The following MARCHF1 variants were observed in gnomAD, a reference collection of about 807,000 sequenced individuals.
MARCHF1 encodes the protein E3 ubiquitin-protein ligase MARCHF1.
In MARCHF1, 40 loss-of-function variants were observed where a neutral mutation model predicts 54.2. That is an observed-to-expected ratio of 0.74 (90% confidence interval 0.57 to 0.96). The LOEUF is 0.96. Ranked by LOEUF, MARCHF1 falls within the 40% of genes least tolerant of loss-of-function variation. MARCHF1 has a pLI of 0.00. For synonymous variants in MARCHF1, 236 were observed against 236.3 expected, an observed-to-expected ratio of 1.00 and a Z score of 0.01; for missense variants, 586 against 656.5, an observed-to-expected ratio of 0.89 and a Z score of 1.17.
At chr4:164,235,643 C>G (rs1016630416) in intron 1 of MARCHF1, among the ~76,000 whole-genome samples, 4 of 151,988 alleles carry the variant, frequency 2.6e-5, no homozygotes, top group Admixed American at 2.6e-4. Context: ...AGTGGAAAAC[C>G]AAAGACTGTA....
At chr4:164,222,129 A>G (rs895800421) in intron 1 of MARCHF1, among the ~76,000 whole-genome samples, 3 of 152,058 alleles carry the variant, frequency 2.0e-5, no homozygotes, top group Non-Finnish European at 4.4e-5. Flanking sequence ...AATTAATTCA[A>G]TCTACTAGGT....
chr4:163,935,360 C>T (rs764366617), intron 3 of MARCHF1, among the ~76,000 whole-genome samples: 7 of 152,120 alleles, frequency 4.6e-5, no homozygotes, highest in Non-Finnish European at 1.0e-4. Context: ...GATGTTTTCA[C>T]CTACATTGAA....
In MARCHF1 at chr4:164,101,185, G is replaced by A. The variant is rs532610707; in HGVS notation, c.-248+10403C>T. 4.0e-3 allele frequency among the ~76,000 whole-genome samples: 606 copies of A among 152,352 alleles called. 5 individuals are homozygous for A. Among genetic ancestry groups the A allele is most frequent in the African/African-American group, 0.014 (585 of 41,584 alleles). ...CTGCAAGGCAGCAGCGAGGCCGGGG[G>A]AGGGGCACCCGCCATTGCCCAGGCT... On this transcript the variant is annotated intron_variant, in intron 2 of 9. Coordinates refer to ENST00000514618, the MANE Select transcript of MARCHF1 (RefSeq NM_001394959.1).
chr4:164,157,326 A>G (rs1237228127), intron 1 of MARCHF1, among the ~76,000 whole-genome samples: 1 of 152,202 alleles, frequency 6.6e-6, no homozygotes, highest in East Asian at 1.9e-4. Context: ...TTACAAGACA[A>G]CTTCTGAGCA....
chr4:163,868,358 G>A (rs1356933542), intron 3 of MARCHF1, among the ~76,000 whole-genome samples: 2 of 151,822 alleles, frequency 1.3e-5, no homozygotes, highest in Non-Finnish European at 2.9e-5. Context: ...ATCATACAGA[G>A]AGAAGTTCAT....
intron 7 of MARCHF1, among the ~76,000 whole-genome samples, chr4:163,610,211 G>A (rs12647128): frequency 0.09 from 13,570 of 151,400 alleles, 837 homozygotes; most frequent in East Asian, 0.24. Flanking sequence ...GCTTTTTTTC[G>A]AGTATGTGTT....
At chr4:164,380,636 A>ATT (rs1415242425) in intron 1 of MARCHF1, among the ~76,000 whole-genome samples, 4 of 152,194 alleles carry the variant, frequency 2.6e-5, no homozygotes, top group African/African-American at 9.6e-5. Flanking sequence ...TGTCTCAAAT[A>ATT]TTTTTATTTT....
At chr4:163,794,789 A>G (rs1456264221) in intron 4 of MARCHF1, among the ~76,000 whole-genome samples, 1 of 152,216 alleles carries the variant, frequency 6.6e-6, no homozygotes, top group African/African-American at 2.4e-5. Context: ...CCTCAAACTT[A>G]TACTATGTGA....
chr4:164,116,163 A>G (rs1441798422), intron 1 of MARCHF1, among the ~76,000 whole-genome samples: 1 of 152,170 alleles, frequency 6.6e-6, no homozygotes, highest in African/African-American at 2.4e-5. Flanking sequence ...TATCACTAAA[A>G]TCTCAAAACT....
intron 3 of MARCHF1, among the ~76,000 whole-genome samples, chr4:163,952,304 CAT>C (rs1376835509): frequency 1.1e-4 from 17 of 152,164 alleles, no homozygotes; most frequent in Admixed American, 2.6e-4. Flanking sequence ...AAACCAAAGA[CAT>C]GTGAAATCTC....
At chr4:164,111,820 C>T (rs1755839893) in intron 1 of MARCHF1, among the ~76,000 whole-genome samples, 158 bp from the exon 2 acceptor site, 1 of 151,590 alleles carries the variant, frequency 6.6e-6, no homozygotes, top group African/African-American at 2.4e-5. Context: ...TCATTTCTGC[C>T]AATATTCAGA....
At chr4:164,266,835 G>A (rs1471017832) in intron 1 of MARCHF1, among the ~76,000 whole-genome samples, 1 of 152,128 alleles carries the variant, frequency 6.6e-6, no homozygotes, top group Non-Finnish European at 1.5e-5. Context: ...AATAGAACCA[G>A]TCACTAAATT....
chr4:163,588,803 T>A (rs1289285947), intron 7 of MARCHF1, among the ~76,000 whole-genome samples: 1 of 152,144 alleles, frequency 6.6e-6, no homozygotes, highest in Non-Finnish European at 1.5e-5. Context: ...ATCTGGTAAA[T>A]GATTCAATTC....
At chr4:163,901,416 T>C (rs1236255792) in intron 3 of MARCHF1, among the ~76,000 whole-genome samples, 2 of 152,190 alleles carry the variant, frequency 1.3e-5, no homozygotes, top group African/African-American at 4.8e-5. Context: ...TGCAGTTGTC[T>C]TCATTAACAC....
chr4:164,176,964 CTCTCTCTCTCTCTCTCT>C (rs1730688000), intron 1 of MARCHF1, among the ~76,000 whole-genome samples: 2 of 47,718 alleles, frequency 4.2e-5, no homozygotes, highest in Non-Finnish European at 7.3e-5. Flanking sequence ...CTCTCTCTCT[CTCTCTCTCTCTCTCTCT>C]ATATATATAT....
chr4:164,290,110 A>C (rs1050170983), intron 1 of MARCHF1, among the ~76,000 whole-genome samples: 1 of 151,842 alleles, frequency 6.6e-6, no homozygotes. Context: ...AGCATTCAAC[A>C]TTGAGTTGTA....
chr4:163,844,163 CCCCGTTATACGT>C (rs1749420632), intron 4 of MARCHF1, among the ~76,000 whole-genome samples: 1 of 152,172 alleles, frequency 6.6e-6, no homozygotes, highest in East Asian at 1.9e-4. Context: ...AGCATGTGTT[CCCCGTTATACGT>C]CCCTGTGTTC....
chr4:163,850,749 C>T (rs1028449032), intron 4 of MARCHF1, among the ~76,000 whole-genome samples: 16 of 152,186 alleles, frequency 1.1e-4, no homozygotes, highest in African/African-American at 3.6e-4. Flanking sequence ...GGCACTGAGT[C>T]TGCTGGGCTG....
intron 4 of MARCHF1, among the ~76,000 whole-genome samples, chr4:163,754,922 G>A (rs533176746): frequency 4.9e-4 from 74 of 152,188 alleles, no homozygotes; most frequent in African/African-American, 1.6e-3. Flanking sequence ...GAAAGGAGAC[G>A]GCAAAGATTC....
Sources: gnomAD v4.1 joint callset for allele counts (sites outside exome capture counted in the v4.1 genomes callset) on GRCh38, gnomAD v4.1.1 for gene constraint, MANE v1.5 for transcripts, NCBI Gene and HGNC (gene_info 2026-07-23, HGNC 2026-07-21) for gene names.